The following ZFPM2 variants were observed in gnomAD, a reference collection of about 807,000 sequenced individuals.
The protein encoded by ZFPM2 is zinc finger protein, FOG family member 2.
In ZFPM2, 20 loss-of-function variants were observed where a neutral mutation model predicts 98.6. The ratio of observed to expected loss-of-function variants is 0.20; its 90% CI spans 0.14 to 0.29. ZFPM2 has a LOEUF of 0.29. Ranked by LOEUF, ZFPM2 falls within the 10% of genes least tolerant of loss-of-function variation. The pLI, the probability that ZFPM2 is intolerant of heterozygous loss-of-function variation, is 1.00. For missense variants in ZFPM2, 1,310 were observed against 1,388.6 expected (o/e 0.94, Z 0.90); for synonymous variants, 518 against 502.7 (o/e 1.03, Z -0.41).
intron 3 of ZFPM2, among the ~76,000 whole-genome samples, chr8:105,540,445 A>G (rs2130623133): frequency 6.6e-6 from 1 of 152,284 alleles, no homozygotes; most frequent in African/African-American, 2.4e-5. Context: ...CTAGCTTAGT[A>G]GATGGCTCAT....
intron 5 of ZFPM2, among the ~76,000 whole-genome samples, chr8:105,699,569 T>A (rs1811095053): frequency 1.3e-5 from 2 of 152,132 alleles, no homozygotes; most frequent in South Asian, 4.1e-4. Context: ...AATGTTTTTC[T>A]TTTTATAAAG....
At chr8:105,620,908 A>T (rs1475453003) in intron 4 of ZFPM2, among the ~76,000 whole-genome samples, 1 of 152,206 alleles carries the variant, frequency 6.6e-6, no homozygotes, top group Non-Finnish European at 1.5e-5. Flanking sequence ...TTTTGGTACC[A>T]GTACCATGCT....
chr8:105,400,121 ATTGC>A (rs1811307864), intron 1 of ZFPM2, among the ~76,000 whole-genome samples: 1 of 151,946 alleles, frequency 6.6e-6, no homozygotes, highest in Admixed American at 6.6e-5. Flanking sequence ...CCATCTATTT[ATTGC>A]TTCGTGATTC....
intron 5 of ZFPM2, among the ~76,000 whole-genome samples, chr8:105,696,430 C>T (rs1352827315): frequency 6.6e-6 from 1 of 152,132 alleles, no homozygotes; most frequent in Non-Finnish European, 1.5e-5. Flanking sequence ...TAAGAATTTT[C>T]ATTTCTATTA....
intron 3 of ZFPM2, among the ~76,000 whole-genome samples, chr8:105,506,764 G>C (rs1813706600): frequency 6.6e-6 from 1 of 152,012 alleles, no homozygotes; most frequent in Non-Finnish European, 1.5e-5. Context: ...GAGGCGGGCG[G>C]ATCACGAGAT....
At position 105,318,949 on chromosome 8, in the gene ZFPM2, G is replaced by C; in HGVS notation, c.8G>C (p.Arg3Pro). 1.4e-6 allele frequency: 2 copies of C among 1,461,914 alleles called. No individual in the cohort carries two copies. The highest frequency in any genetic ancestry group is 1.8e-6 in the Non-Finnish European group (2 of 1,096,704). The allele number at this position is 1,461,914 out of a possible 1,614,324, so 90.6% of individuals were successfully genotyped here. Residue 3 changes from arginine to proline, a missense_variant, in exon 1 of 8, where the codon CGG becomes CCG. Physicochemically the swap from Arg to Pro is moderately radical, Grantham distance 103. Transcript: ENST00000407775. MS[R>P]RKQSKPRQIK... is the part of the protein sequence containing the mutation. ...GCAGCAGCCGCCGCCGAGATGTCCCGGCGAAAGCAAAGCAAACCCCGGCAG... is the reference window on the plus strand; with the variant it reads ...GCAGCAGCCGCCGCCGAGATGTCCCCGCGAAAGCAAAGCAAACCCCGGCAG...
intron 3 of ZFPM2, among the ~76,000 whole-genome samples, chr8:105,517,707 C>CACACCACACA (rs61552974): frequency 1.1e-4 from 14 of 124,978 alleles, no homozygotes; most frequent in African/African-American, 4.6e-4. Context: ...CACACACACA[C>CACACCACACA]CACACACACA....
chr8:105,360,357 A>T (rs543267811), intron 1 of ZFPM2, among the ~76,000 whole-genome samples: 2 of 152,338 alleles, frequency 1.3e-5, no homozygotes, highest in South Asian at 2.1e-4. Flanking sequence ...ACAGTAAAAA[A>T]TTAAAATAAA....
At chr8:105,487,935 TAGCTA>T (rs1813266281) in intron 3 of ZFPM2, among the ~76,000 whole-genome samples, 2 of 143,086 alleles carry the variant, frequency 1.4e-5, no homozygotes, top group African/African-American at 5.3e-5. Flanking sequence ...TCTATCTAGC[TAGCTA>T]GCTAGCTAGC....
intron 3 of ZFPM2, among the ~76,000 whole-genome samples, chr8:105,480,275 A>G (rs1358623433): frequency 6.6e-6 from 1 of 152,198 alleles, no homozygotes; most frequent in Non-Finnish European, 1.5e-5. Flanking sequence ...CCCAGGGAGC[A>G]TTGGTACCTT....
Position 105,802,010 on chromosome 8 carries a change from A to G in ZFPM2, c.1928A>G (p.Asp643Gly). 1 of 1,613,812 alleles carries G rather than the reference A, an allele frequency of 6.2e-7. No individual in the cohort carries two copies. Among genetic ancestry groups the G allele is most frequent in the Non-Finnish European group, 8.5e-7 (1 of 1,179,862 alleles). The change falls in exon 8 of 8, where the codon GAC becomes GGC. Residue 643 changes from aspartate to glycine, a missense_variant. Asp to Gly is a moderately conservative substitution (Grantham distance 94). Transcript: ENST00000407775. ...DLIGPNGKGHDKDFSTQTKKL... is the reference protein window; with the variant it reads ...DLIGPNGKGHGKDFSTQTKKL... ...ATTGGGCCAAATGGGAAGGGCCATG[A>G]CAAGGACTTTTCCACTCAAACTAAG...
At chr8:105,773,129 G>T (rs1043387011) in intron 5 of ZFPM2, among the ~76,000 whole-genome samples, 1 of 152,172 alleles carries the variant, frequency 6.6e-6, no homozygotes, top group Non-Finnish European at 1.5e-5. Context: ...AATGCACTGA[G>T]CGCCATCTGC....
At chr8:105,732,729 C>G (rs1314189993) in intron 5 of ZFPM2, among the ~76,000 whole-genome samples, 1 of 151,750 alleles carries the variant, frequency 6.6e-6, no homozygotes, top group Non-Finnish European at 1.5e-5. Flanking sequence ...CTAGGGAGGT[C>G]TGACTAAGCT....
At chr8:105,753,474 A>G (rs1157640863) in intron 5 of ZFPM2, among the ~76,000 whole-genome samples, 1 of 152,162 alleles carries the variant, frequency 6.6e-6, no homozygotes, top group Non-Finnish European at 1.5e-5. Flanking sequence ...TCCTTTTGGA[A>G]CTGAGATTAC....
At chr8:105,663,583 G>T (rs1194562495) in intron 5 of ZFPM2, among the ~76,000 whole-genome samples, 4 of 152,098 alleles carry the variant, frequency 2.6e-5, no homozygotes, top group African/African-American at 9.7e-5. Context: ...CTACTATTAT[G>T]ATGATATTAC....
intron 3 of ZFPM2, among the ~76,000 whole-genome samples, chr8:105,557,785 C>T (rs937325234): frequency 2.0e-5 from 3 of 152,160 alleles, no homozygotes; most frequent in African/African-American, 7.2e-5. Context: ...GCTTTTCCAT[C>T]TTATTTCAGA....
intron 1 of ZFPM2, among the ~76,000 whole-genome samples, chr8:105,369,075 A>G (rs1810566319): frequency 6.6e-6 from 1 of 152,162 alleles, no homozygotes; most frequent in Non-Finnish European, 1.5e-5. Context: ...AGCAAATAAT[A>G]AAATATATAA....
At chr8:105,651,194 T>C (rs1373111631) in intron 5 of ZFPM2, among the ~76,000 whole-genome samples, 1 of 152,168 alleles carries the variant, frequency 6.6e-6, no homozygotes, top group African/African-American at 2.4e-5. Flanking sequence ...TTTATGTATT[T>C]TCCTTTGACT....
chr8:105,547,029 C>T (rs1273559752), intron 3 of ZFPM2, among the ~76,000 whole-genome samples: 1 of 152,030 alleles, frequency 6.6e-6, no homozygotes, highest in African/African-American at 2.4e-5. Flanking sequence ...TTAGGACATT[C>T]ATGTATCTGG....
Sources: gnomAD v4.1 joint callset for allele counts (sites outside exome capture counted in the v4.1 genomes callset) on GRCh38, gnomAD v4.1.1 for gene constraint, MANE v1.5 for transcripts, NCBI Gene and HGNC (gene_info 2026-07-23, HGNC 2026-07-21) for gene names.